WDPCP: variants seen among roughly 807,000 people sequenced by gnomAD.
WDPCP encodes the protein WD repeat-containing and planar cell polarity effector protein fritz homolog.
A neutral mutation model predicts 93.1 loss-of-function variants in WDPCP; 71 were observed. That is an observed-to-expected ratio of 0.76 (90% CI 0.63 to 0.93). The LOEUF is 0.93. Ranked by LOEUF, WDPCP falls within the 40% of genes least tolerant of loss-of-function variation. The probability of loss-of-function intolerance (pLI) is 0.00; values close to 1 mark genes in which losing one functional copy is unlikely to be tolerated. For missense variants in WDPCP, 844 were observed against 887.4 expected (o/e 0.95, Z 0.62); for synonymous variants, 315 against 315.0 (o/e 1.00, Z 0.00).
At chr2:63,137,942 G>T (rs1670747679) in intron 17 of WDPCP, among the ~76,000 whole-genome samples, 1 of 152,068 alleles carries the variant, frequency 6.6e-6, no homozygotes, top group Non-Finnish European at 1.5e-5. Context: ...GTACCATGCT[G>T]TTTTGGTTAC....
chr2:63,338,589 T>A (rs868464073), intron 12 of WDPCP, among the ~76,000 whole-genome samples: 7 of 102,812 alleles, frequency 6.8e-5, no homozygotes, highest in African/African-American at 2.5e-4. Flanking sequence ...TATATATATA[T>A]ATATATATAT....
At chr2:63,294,579 A>G (rs1161391122) in intron 13 of WDPCP, among the ~76,000 whole-genome samples, 1 of 150,896 alleles carries the variant, frequency 6.6e-6, no homozygotes, top group Non-Finnish European at 1.5e-5. Flanking sequence ...ATCTGGCAAA[A>G]TTGTCCTTCA....
intron 14 of WDPCP, among the ~76,000 whole-genome samples, chr2:63,195,111 C>T (rs1403181353): frequency 6.6e-6 from 1 of 151,874 alleles, no homozygotes; most frequent in Non-Finnish European, 1.5e-5. Flanking sequence ...GAAATTTTTT[C>T]TTTTAGAGTT....
At chr2:63,680,644 G>C (rs572595238) in intron 2 of WDPCP, among the ~76,000 whole-genome samples, 1 of 152,304 alleles carries the variant, frequency 6.6e-6, no homozygotes, top group Admixed American at 6.5e-5. Flanking sequence ...GCAATTCCTA[G>C]TGCTGTTCTG....
At chr2:63,275,894 G>C (rs981366797) in intron 13 of WDPCP, among the ~76,000 whole-genome samples, 1 of 152,152 alleles carries the variant, frequency 6.6e-6, no homozygotes, top group African/African-American at 2.4e-5. Flanking sequence ...CTCACATCAT[G>C]AACTTTTGCT....
At chr2:63,361,937 TA>T (rs1398787867) in intron 12 of WDPCP, among the ~76,000 whole-genome samples, 8 of 152,276 alleles carry the variant, frequency 5.3e-5, no homozygotes, top group Non-Finnish European at 1.2e-4. Context: ...TCCCACTTTT[TA>T]AAAATTGATA....
At chr2:63,527,523 T>A (rs1703439954) in intron 1 of WDPCP, among the ~76,000 whole-genome samples, 1 of 151,974 alleles carries the variant, frequency 6.6e-6, no homozygotes, top group African/African-American at 2.4e-5. Flanking sequence ...TCCAGCTTCA[T>A]CCATGTTCCT....
Position 63,779,635 on chromosome 2 carries a change from G to T in WDPCP, n.308+33987C>A, listed in dbSNP as rs534878500. Reference sequence around the variant, plus strand: ...AGGATAAATCACCATCGATCTCTAGGTGCGTATATCCTTGGGGCAGAGAAG... The same window carrying T: ...AGGATAAATCACCATCGATCTCTAGTTGCGTATATCCTTGGGGCAGAGAAG... On this transcript the variant is annotated intron_variant and non_coding_transcript_variant, in intron 2 of 4. Transcript: ENST00000467687. 2.0e-5 allele frequency among the ~76,000 whole-genome samples: 3 copies of T among 152,128 alleles called. No individual in the cohort carries two copies. The South Asian group carries it at 6.2e-4, about 31-fold the overall frequency.
chr2:63,133,441 T>A (rs770634340), intron 17 of WDPCP, among the ~76,000 whole-genome samples: 1 of 152,216 alleles, frequency 6.6e-6, no homozygotes, highest in Non-Finnish European at 1.5e-5. Context: ...GTTCAAGGGA[T>A]GGTGATATGA....
chr2:63,353,250 G>A (rs993316461), intron 12 of WDPCP, among the ~76,000 whole-genome samples: 5 of 152,156 alleles, frequency 3.3e-5, no homozygotes, highest in South Asian at 2.1e-4. Context: ...TAAGGCACAC[G>A]TAGAGACCAT....
At chr2:63,588,961 C>T (rs1709077384), upstream of WDPCP, 8 of 1,600,572 alleles carry the variant, frequency 5.0e-6, no homozygotes, top group Non-Finnish European at 6.8e-6. Flanking sequence ...CTCGCCCTCT[C>T]CGAGTCAGTT....
chr2:63,299,695 A>C (rs1312467685), intron 13 of WDPCP, among the ~76,000 whole-genome samples: 3 of 152,190 alleles, frequency 2.0e-5, no homozygotes, highest in Non-Finnish European at 4.4e-5. Flanking sequence ...TGTAAGGCAT[A>C]ATATGTAGCA....
chr2:63,397,056 T>A lies in WDPCP; in HGVS notation c.1435+6992A>T, dbSNP rs1462190845. Among the ~76,000 whole-genome samples, 5 of 152,264 alleles carry A rather than the reference T, an allele frequency of 3.3e-5. No homozygotes were observed. The East Asian group carries it at 9.6e-4, about 29-fold the overall frequency. ...GTTAGAAGGATCACTAGGATAGCAC[T>A]CAGGGGATTAACTGCGGAGTAGGAT... On this transcript the variant is annotated intron_variant, in intron 10 of 17. Coordinates refer to ENST00000272321, the MANE Select transcript of WDPCP (RefSeq NM_015910.7).
intron 2 of WDPCP, among the ~76,000 whole-genome samples, chr2:63,773,625 T>C (rs1387278928): frequency 6.6e-6 from 1 of 152,104 alleles, no homozygotes; most frequent in Non-Finnish European, 1.5e-5. Context: ...AAGATACTTG[T>C]ACAAGATACT....
At chr2:63,494,919 C>CAAA (rs34227025) in intron 1 of WDPCP, among the ~76,000 whole-genome samples, 20 of 69,550 alleles carry the variant, frequency 2.9e-4, no homozygotes, top group South Asian at 5.4e-4. Context: ...GACTCCGTCT[C>CAAA]AAAAAAAAAA....
intron 9 of WDPCP, among the ~76,000 whole-genome samples, chr2:63,429,813 G>A (rs187387778): frequency 2.9e-4 from 44 of 152,160 alleles, no homozygotes; most frequent in African/African-American, 9.9e-4. Flanking sequence ...ACTACCATTC[G>A]ACCTAGCCAT....
intron 14 of WDPCP, among the ~76,000 whole-genome samples, chr2:63,193,448 C>T (rs1340049721): frequency 6.6e-6 from 1 of 152,166 alleles, no homozygotes; most frequent in East Asian, 1.9e-4. Flanking sequence ...TTAAAAGTAA[C>T]TGAACATTTG....
chr2:63,456,740 G>A (rs1404505990), intron 6 of WDPCP, among the ~76,000 whole-genome samples: 1 of 152,132 alleles, frequency 6.6e-6, no homozygotes, highest in Non-Finnish European at 1.5e-5. Context: ...CTTCAGGCCA[G>A]GCACGGTGGC....
chr2:63,279,612 CA>C (rs1683362003), intron 13 of WDPCP, among the ~76,000 whole-genome samples: 1 of 152,132 alleles, frequency 6.6e-6, no homozygotes, highest in Non-Finnish European at 1.5e-5. Flanking sequence ...CTAGTCAGAG[CA>C]ATCAGACAAG....
Sources: allele counts gnomAD v4.1 joint callset (sites outside exome capture counted in the v4.1 genomes callset), GRCh38; gene constraint gnomAD v4.1.1; transcripts MANE v1.5; gene names NCBI Gene and HGNC (gene_info 2026-07-23, HGNC 2026-07-21).